The following PDS5B variants were observed in gnomAD, a reference collection of about 807,000 sequenced individuals.
PDS5B encodes the protein PDS5 cohesin associated factor B.
Under a neutral mutation model 184.1 loss-of-function variants are expected in PDS5B, and 51 were observed. The observed-to-expected ratio is 0.28, with a 90% CI of 0.22 to 0.35. The LOEUF (loss-of-function observed/expected upper bound fraction) is 0.35. Among genes scored for constraint, PDS5B ranks in the 10% least tolerant of loss-of-function variants. PDS5B has a pLI of 1.00. For missense variants in PDS5B, 1,180 were observed against 1,723.3 expected, an observed-to-expected ratio of 0.68 and a Z score of 5.58; for synonymous variants, 566 against 569.2, an observed-to-expected ratio of 0.99 and a Z score of 0.08.
At chr13:32,648,133 G>A (rs749279283) in intron 1 of PDS5B, among the ~76,000 whole-genome samples, 5 of 152,262 alleles carry the variant, frequency 3.3e-5, no homozygotes, top group South Asian at 2.1e-4. Context: ...CCTTCTCAGC[G>A]GTTCCCTCTA....
chr13:32,750,987 A>AT (rs1401933380), intron 24 of PDS5B, among the ~76,000 whole-genome samples: 2 of 152,074 alleles, frequency 1.3e-5, no homozygotes, highest in Non-Finnish European at 2.9e-5. Flanking sequence ...CACACAGGTG[A>AT]TAAGCATAGT....
intron 1 of PDS5B, among the ~76,000 whole-genome samples, chr13:32,644,592 G>A (rs1950174393): frequency 6.6e-6 from 1 of 151,756 alleles, no homozygotes; most frequent in Non-Finnish European, 1.5e-5. Flanking sequence ...TAAAAAAAAA[G>A]TGATGATAGT....
At chr13:32,714,500 G>A (rs1488464428) in intron 19 of PDS5B, among the ~76,000 whole-genome samples, 2 of 152,156 alleles carry the variant, frequency 1.3e-5, no homozygotes, top group African/African-American at 4.8e-5. Flanking sequence ...GAGCGCTATG[G>A]GAGACTGGAG....
At chr13:32,639,114 T>C (rs1021260336) in intron 1 of PDS5B, among the ~76,000 whole-genome samples, 3 of 127,932 alleles carry the variant, frequency 2.3e-5, no homozygotes, top group African/African-American at 6.1e-5. Context: ...AAATGAGAGA[T>C]ATTATCACTA....
intron 1 of PDS5B, among the ~76,000 whole-genome samples, chr13:32,587,994 G>A (rs147557732): frequency 6.6e-6 from 1 of 152,292 alleles, no homozygotes; most frequent in East Asian, 1.9e-4. Flanking sequence ...TGCTTGAACG[G>A]CAGTATAGTC....
intron 1 of PDS5B, among the ~76,000 whole-genome samples, chr13:32,590,120 A>G (rs891150527): frequency 1.3e-5 from 2 of 152,256 alleles, no homozygotes; most frequent in East Asian, 1.9e-4. Context: ...TCTAATAATT[A>G]GACATTAATA....
At position 32,714,549 on chromosome 13, in the gene PDS5B, C is replaced by T. The variant is rs561478198; in HGVS notation, c.2123+4443C>T. On this transcript the variant is annotated intron_variant, in intron 19 of 34. Coordinates refer to ENST00000315596, the MANE Select transcript of PDS5B (RefSeq NM_015032.4). ...TGCAGCCTCAACCATAAGAGACAGG[C>T]GCACCTGGGGGGGCTGTTTATAAGC... Among the ~76,000 whole-genome samples the T allele has an allele frequency of 2.6e-5, 4 of 152,254 alleles. No homozygotes were observed. In the South Asian group the frequency reaches 8.3e-4, roughly 32 times the overall value.
At chr13:32,623,485 A>C (rs964201649) in intron 1 of PDS5B, among the ~76,000 whole-genome samples, 2 of 141,616 alleles carry the variant, frequency 1.4e-5, no homozygotes, top group Non-Finnish European at 3.2e-5. Context: ...AGGGACTATT[A>C]TCCTCCTTGC....
chr13:32,717,720 T>TAAAAAAAAAAAAAAAAAAACAAAAAAAA (rs1220035606), intron 19 of PDS5B, among the ~76,000 whole-genome samples: 1 of 126,692 alleles, frequency 7.9e-6, no homozygotes, highest in Non-Finnish European at 1.7e-5. Context: ...ATCAATAAAT[T>TAAAAAAAAAAAAAAAAAAACAAAAAAAA]AAAAAAAAAA....
At chr13:32,685,777 G>C (rs1951368974) in intron 11 of PDS5B, among the ~76,000 whole-genome samples, 2 of 152,106 alleles carry the variant, frequency 1.3e-5, no homozygotes, top group East Asian at 3.9e-4. Context: ...TGAGTAGGTG[G>C]TACTACAGGC....
intron 1 of PDS5B, among the ~76,000 whole-genome samples, chr13:32,620,439 C>T (rs879814514): frequency 7.2e-5 from 11 of 151,960 alleles, no homozygotes; most frequent in African/African-American, 1.2e-4. Context: ...GGGCGGATCA[C>T]GAGGTCAGGA....
At chr13:32,599,121 T>C (rs752732865) in intron 1 of PDS5B, among the ~76,000 whole-genome samples, 1 of 151,428 alleles carries the variant, frequency 6.6e-6, no homozygotes, top group Non-Finnish European at 1.5e-5. Context: ...TCTTCTCTGG[T>C]CTCCATTGTT....
intron 19 of PDS5B, among the ~76,000 whole-genome samples, chr13:32,719,394 G>A (rs143222449): frequency 1.8e-4 from 27 of 152,142 alleles, no homozygotes; most frequent in African/African-American, 5.8e-4. Flanking sequence ...TGTTGCCCAC[G>A]CTGGTCTTGA....
chr13:32,594,178 A>G (rs1251320567), intron 1 of PDS5B, among the ~76,000 whole-genome samples: 1 of 152,160 alleles, frequency 6.6e-6, no homozygotes, highest in Non-Finnish European at 1.5e-5. Context: ...ATCACCCCTT[A>G]TTTCTTTAGT....
Position 32,699,716 on chromosome 13 carries a change from T to C in PDS5B, c.1601-14T>C. 1 of 1,422,196 alleles carries C rather than the reference T, an allele frequency of 7.0e-7. No homozygotes were observed. The highest frequency in any genetic ancestry group is 9.3e-7 in the Non-Finnish European group (1 of 1,076,322). The allele number at this position is 1,422,196 out of a possible 1,614,324, so 88.1% of individuals were successfully genotyped here. A position where few individuals can be genotyped will look rare whatever the true frequency, so the allele number is the denominator to read the frequency against. On this transcript the variant is annotated splice_polypyrimidine_tract_variant and intron_variant, in intron 15 of 34. Transcript: ENST00000315596. The stretch of plus-strand genomic sequence containing the variant: ...AAAAAAATTGATTTTAATTGAACTT[T>C]AATTTATTTTAAGGAAATTTACCTG...
chr13:32,771,867 T>A (rs1042357015), intron 33 of PDS5B, among the ~76,000 whole-genome samples: 15 of 151,954 alleles, frequency 9.9e-5, no homozygotes, highest in African/African-American at 3.6e-4. Context: ...ATCATAAAAT[T>A]CAGGGTTTAA....
intron 13 of PDS5B, chr13:32,688,864 T>C: frequency 3.0e-6 from 1 of 333,716 alleles, no homozygotes; most frequent in South Asian, 3.1e-5. Flanking sequence ...TATTCTTTTT[T>C]ATTTGTTTTC....
intron 7 of PDS5B, among the ~76,000 whole-genome samples, chr13:32,669,475 G>T (rs1950879728): frequency 6.6e-6 from 1 of 151,930 alleles, no homozygotes; most frequent in African/African-American, 2.4e-5. Flanking sequence ...AGATGATTAG[G>T]TTCGTTATAC....
intron 33 of PDS5B, among the ~76,000 whole-genome samples, chr13:32,772,459 T>G (rs138743372): frequency 3.9e-5 from 6 of 152,258 alleles, no homozygotes; most frequent in African/African-American, 1.2e-4. Context: ...TTGAGAATAG[T>G]AGGGGCTAGA....
Sources: gnomAD v4.1 joint callset for allele counts (sites outside exome capture counted in the v4.1 genomes callset) on GRCh38, gnomAD v4.1.1 for gene constraint, MANE v1.5 for transcripts, NCBI Gene and HGNC (gene_info 2026-07-23, HGNC 2026-07-21) for gene names.